MDGA2: variants seen among roughly 807,000 people sequenced by gnomAD.
MDGA2 encodes MAM domain containing glycosylphosphatidylinositol anchor 2, also known as MAM domain-containing glycosylphosphatidylinositol anchor protein 2.
Under a neutral mutation model 117.8 loss-of-function variants are expected in MDGA2, and 40 were observed. The observed-to-expected ratio is 0.34, with a 90% confidence interval of 0.26 to 0.44. The LOEUF (loss-of-function observed/expected upper bound fraction) is 0.44. Among genes scored for constraint, MDGA2 ranks in the 20% least tolerant of loss-of-function variants. The pLI, the probability that MDGA2 is intolerant of heterozygous loss-of-function variation, is 1.00. For synonymous variants in MDGA2, 452 were observed against 439.0 expected, an observed-to-expected ratio of 1.03 and a Z score of -0.37; for missense variants, 1,123 against 1,250.6, an observed-to-expected ratio of 0.90 and a Z score of 1.54.
At chr14:47,341,802 T>C (rs1378827365) in intron 1 of MDGA2, among the ~76,000 whole-genome samples, 1 of 152,112 alleles carries the variant, frequency 6.6e-6, no homozygotes, top group Non-Finnish European at 1.5e-5. Flanking sequence ...CATGGTATTG[T>C]GGGAGAGGGT....
intron 5 of MDGA2, among the ~76,000 whole-genome samples, chr14:47,117,004 T>A (rs28846798): frequency 6.6e-6 from 1 of 151,024 alleles, no homozygotes; most frequent in Non-Finnish European, 1.5e-5. Flanking sequence ...ATGCAAACCA[T>A]ATATCCAATT....
chr14:47,226,627 G>T (rs1886512782), intron 2 of MDGA2, among the ~76,000 whole-genome samples: 1 of 151,990 alleles, frequency 6.6e-6, no homozygotes, highest in Non-Finnish European at 1.5e-5. Flanking sequence ...GTGACAGGAG[G>T]GTACATCTTG....
chr14:47,442,875 T>C (rs1403236870), intron 1 of MDGA2, among the ~76,000 whole-genome samples: 1 of 152,084 alleles, frequency 6.6e-6, no homozygotes, highest in Non-Finnish European at 1.5e-5. Flanking sequence ...CATGATAAAA[T>C]CTTGCACTGG....
chr14:47,554,395 T>G (rs890493035), intron 1 of MDGA2, among the ~76,000 whole-genome samples: 2 of 152,192 alleles, frequency 1.3e-5, no homozygotes, highest in African/African-American at 4.8e-5. Flanking sequence ...CCTTGAAAAA[T>G]TATCTTGTCT....
At chr14:47,098,573 A>T (rs1880118277) in intron 5 of MDGA2, among the ~76,000 whole-genome samples, 1 of 151,866 alleles carries the variant, frequency 6.6e-6, no homozygotes, top group Non-Finnish European at 1.5e-5. Context: ...AAACTGATGG[A>T]GGACAGTACT....
At chr14:46,907,695 C>T (rs527477106) in intron 10 of MDGA2, among the ~76,000 whole-genome samples, 12 of 152,260 alleles carry the variant, frequency 7.9e-5, no homozygotes, top group Non-Finnish European at 1.2e-4. Flanking sequence ...CAAATGCCAT[C>T]TCCTTAGAGA....
intron 1 of MDGA2, among the ~76,000 whole-genome samples, chr14:47,422,274 CT>C (rs1892596068): frequency 6.6e-6 from 1 of 152,152 alleles, no homozygotes; most frequent in South Asian, 2.1e-4. Flanking sequence ...TTCCCAATTA[CT>C]TTTTTTCCTA....
chr14:46,981,915 C>G (rs78875093), intron 8 of MDGA2, among the ~76,000 whole-genome samples: 2,091 of 152,226 alleles, frequency 0.014, 53 homozygotes, highest in African/African-American at 0.047. Context: ...AACAAAATCA[C>G]AGGGTGACAA....
chr14:47,333,804 T>C (rs1484340316), intron 1 of MDGA2, among the ~76,000 whole-genome samples: 1 of 151,932 alleles, frequency 6.6e-6, no homozygotes, highest in Non-Finnish European at 1.5e-5. Context: ...TATGTTGATA[T>C]AAAATTCTAT....
In MDGA2 at chr14:47,400,724, CT is replaced by C. The variant is rs111345438; in HGVS notation, c.281-99175del. On this transcript the variant is annotated intron_variant, in intron 1 of 16. Coordinates refer to ENST00000399232, the MANE Select transcript of MDGA2 (RefSeq NM_001113498.3). ...AAAAAAAAAACCCTTAGTGGTAAGG[CT>C]TTTTTTTTTTTCTTTTTCTTTTCTT... Among the ~76,000 whole-genome samples, 653 of 128,998 alleles carry C rather than the reference CT, an allele frequency of 5.1e-3. 2 individuals are homozygous for C. Among genetic ancestry groups the C allele is most frequent in the Middle Eastern group, 0.012 (3 of 246 alleles). 84.6% of individuals were successfully genotyped at this position (128,998 alleles called of 152,430 possible).
intron 1 of MDGA2, among the ~76,000 whole-genome samples, chr14:47,397,795 T>C (rs1320637972): frequency 6.6e-6 from 1 of 152,092 alleles, no homozygotes; most frequent in African/African-American, 2.4e-5. Context: ...GTATTCTGGA[T>C]ACAAGGAGGT....
At chr14:47,095,229 T>A (rs550432001) in intron 6 of MDGA2, among the ~76,000 whole-genome samples, 5 of 152,166 alleles carry the variant, frequency 3.3e-5, no homozygotes, top group African/African-American at 1.2e-4. Flanking sequence ...GAGATCAGAA[T>A]GCCTCTTACA....
At chr14:47,052,944 CTCTT>C (rs1889508873) in intron 7 of MDGA2, among the ~76,000 whole-genome samples, 1 of 151,872 alleles carries the variant, frequency 6.6e-6, no homozygotes, top group Non-Finnish European at 1.5e-5. Context: ...CACTCCCTCA[CTCTT>C]TCCATATTCA....
chr14:47,475,062 G>A (rs193138759), intron 1 of MDGA2, among the ~76,000 whole-genome samples: 2 of 152,190 alleles, frequency 1.3e-5, no homozygotes, highest in East Asian at 3.9e-4. Flanking sequence ...CAGAATGGGA[G>A]AAAATTTTTG....
intron 2 of MDGA2, among the ~76,000 whole-genome samples, chr14:47,246,357 G>T (rs1887236970): frequency 6.6e-6 from 1 of 151,526 alleles, no homozygotes; most frequent in Non-Finnish European, 1.5e-5. Flanking sequence ...CACCAATATT[G>T]GTAAAAAATA....
chr14:47,248,891 AAAAACC>A (rs1887342146), intron 2 of MDGA2, among the ~76,000 whole-genome samples: 1 of 152,112 alleles, frequency 6.6e-6, no homozygotes, highest in Non-Finnish European at 1.5e-5. Flanking sequence ...ACCATTGCCT[AAAAACC>A]AAAAGTAAAT....
rs1178280486 is a variant in MDGA2 at position 46,919,999 on chromosome 14, T to C, written c.2238+13A>G. Reference sequence around the variant, plus strand: ...GACCACAAAGAAAAAAGGACATCAGTTAGATTTCTCACCTGCCTGATGCCC... The same window carrying C: ...GACCACAAAGAAAAAAGGACATCAGCTAGATTTCTCACCTGCCTGATGCCC... On this transcript the variant is annotated intron_variant, in intron 10 of 16. Coordinates refer to ENST00000399232, the MANE Select transcript of MDGA2 (RefSeq NM_001113498.3). 1 of 1,559,776 alleles carries C rather than the reference T, an allele frequency of 6.4e-7. No individual in the cohort carries two copies. The highest frequency in any genetic ancestry group is 1.3e-5 in the South Asian group (1 of 79,450).
rs1882121283 is a variant in MDGA2, at chr14:47,129,997, T to G, written c.925+1717A>C. Among the ~76,000 whole-genome samples the G allele has an allele frequency of 6.6e-5, 10 of 151,060 alleles. No individual in the cohort carries two copies. In the South Asian group the frequency reaches 2.1e-3, roughly 31 times the overall value. On this transcript the variant is annotated intron_variant, in intron 5 of 16. Transcript: ENST00000399232. Reference sequence around the variant, plus strand: ...ATTGTAGATTCTGGATATTAGCCCTTTGTCAGATAAGTAGGTTGCGAAAAT... The same window carrying G: ...ATTGTAGATTCTGGATATTAGCCCTGTGTCAGATAAGTAGGTTGCGAAAAT...
At chr14:47,499,005 A>AT (rs146347142) in intron 1 of MDGA2, among the ~76,000 whole-genome samples, 16,476 of 151,818 alleles carry the variant, frequency 0.11, 995 homozygotes, top group Middle Eastern at 0.15. Context: ...CTATTCTGGC[A>AT]TTTTTTTTAT....
Sources: allele counts gnomAD v4.1 joint callset (sites outside exome capture counted in the v4.1 genomes callset), GRCh38; gene constraint gnomAD v4.1.1; transcripts MANE v1.5; gene names NCBI Gene and HGNC (gene_info 2026-07-23, HGNC 2026-07-21).